The following PROS1 variants were observed in gnomAD, a reference collection of about 807,000 sequenced individuals.
PROS1 encodes vitamin K-dependent protein S.
PROS1 carries 29 observed loss-of-function variants against 75.9 expected under a neutral mutation model. That is an observed-to-expected ratio of 0.38 (90% CI 0.28 to 0.52). The LOEUF is 0.52. Among genes scored for constraint, PROS1 ranks in the 20% least tolerant of loss-of-function variants. The probability of loss-of-function intolerance (pLI) is 0.83; values close to 1 mark genes in which losing one functional copy is unlikely to be tolerated. For missense variants in PROS1, 680 were observed against 810.3 expected (o/e 0.84, Z 1.95); for synonymous variants, 245 against 280.6 (o/e 0.87, Z 1.27).
chr3:93,952,807 A>G (rs1709526208), intron 1 of PROS1, among the ~76,000 whole-genome samples: 1 of 152,222 alleles, frequency 6.6e-6, no homozygotes, highest in Non-Finnish European at 1.5e-5. Flanking sequence ...TTTTGAAAAG[A>G]TCAACAAAAT....
At chr3:93,899,739 G>T (rs911422509) in intron 7 of PROS1, among the ~76,000 whole-genome samples, 1 of 152,100 alleles carries the variant, frequency 6.6e-6, no homozygotes, top group Non-Finnish European at 1.5e-5. Flanking sequence ...ACTTCATAGA[G>T]ACAGAAAACA....
intron 1 of PROS1, chr3:93,967,984 T>A (rs1709815836): frequency 6.6e-6 from 1 of 152,166 alleles, no homozygotes; most frequent in Non-Finnish European, 1.5e-5. Flanking sequence ...ATTAAGTTGA[T>A]ACACAACCTC....
At chr3:93,971,199 G>A (rs775359733) in intron 1 of PROS1, among the ~76,000 whole-genome samples, 6 of 150,714 alleles carry the variant, frequency 4.0e-5, no homozygotes, top group Non-Finnish European at 7.4e-5. Context: ...AAAATTAGCC[G>A]GGTATGGTGG....
At chr3:93,924,058 C>T (rs998090467) in intron 3 of PROS1, among the ~76,000 whole-genome samples, 182 bp downstream of exon 3, 3 of 152,046 alleles carry the variant, frequency 2.0e-5, no homozygotes, top group African/African-American at 7.2e-5. Flanking sequence ...ATTAAAGAAC[C>T]GTTCCAAATT....
intron 1 of PROS1, among the ~76,000 whole-genome samples, chr3:93,963,804 T>G (rs1173981367): frequency 6.6e-6 from 1 of 152,018 alleles, no homozygotes; most frequent in Non-Finnish European, 1.5e-5. Context: ...AAGTTATTCA[T>G]AAGGGACCTA....
At chr3:93,910,572 T>C (rs1440975438) in intron 4 of PROS1, 47 bp downstream of exon 4, 1 of 1,475,104 alleles carries the variant, frequency 6.8e-7, no homozygotes, top group Non-Finnish European at 9.5e-7. Context: ...GTACTTTACC[T>C]ACAGAGTTTT....
At chr3:93,923,469 C>G (rs985853727) in intron 3 of PROS1, among the ~76,000 whole-genome samples, 11 of 152,070 alleles carry the variant, frequency 7.2e-5, no homozygotes, top group African/African-American at 1.9e-4. Flanking sequence ...ATTTACATTT[C>G]TATCTAAAAT....
At chr3:93,939,699 TG>T (rs2041457268) in intron 1 of PROS1, among the ~76,000 whole-genome samples, 1 of 152,046 alleles carries the variant, frequency 6.6e-6, no homozygotes, top group South Asian at 2.1e-4. Flanking sequence ...TTTCATCAAA[TG>T]TAAAAATCCA....
chr3:93,966,140 T>G (rs1355343954), intron 1 of PROS1, among the ~76,000 whole-genome samples: 2 of 151,812 alleles, frequency 1.3e-5, no homozygotes, highest in Non-Finnish European at 2.9e-5. Context: ...CAAACTAACC[T>G]CTCTCAGGGG....
intron 1 of PROS1, among the ~76,000 whole-genome samples, chr3:93,930,608 A>G (rs1220330774): frequency 6.6e-6 from 1 of 152,168 alleles, no homozygotes; most frequent in Non-Finnish European, 1.5e-5. Flanking sequence ...GCCCCAACTA[A>G]AGGGTACAAA....
At chr3:93,900,568 A>C (rs1330145532) in intron 7 of PROS1, among the ~76,000 whole-genome samples, 1 of 152,212 alleles carries the variant, frequency 6.6e-6, no homozygotes, top group Admixed American at 6.5e-5. Context: ...GAGGTCTCCA[A>C]TTCATAGGTA....
chr3:93,947,281 GA>G (rs1709418716), intron 1 of PROS1, among the ~76,000 whole-genome samples: 1 of 152,140 alleles, frequency 6.6e-6, no homozygotes, highest in African/African-American at 2.4e-5. Context: ...CAAGGATCTG[GA>G]ATCAACAGAT....
Position 93,886,414 on chromosome 3 carries a change from C to CT in PROS1, c.1244dup (p.Pro416AlafsTer22), listed in dbSNP as rs1293776848. 1 of 1,613,720 alleles carries CT rather than the reference C, an allele frequency of 6.2e-7. No homozygotes were observed. The highest frequency in any genetic ancestry group is 8.5e-7 in the Non-Finnish European group (1 of 1,179,864). ...TGGTTTCCAGCAATCCATTTTCCGG[C>CT]TTAAAAAGGGGTCCAGGTTTATTTA... On this transcript the variant is annotated frameshift_variant, in exon 11 of 15. Transcript: ENST00000394236. LOFTEE classifies it high-confidence loss of function.
chr3:93,931,258 T>C (rs1709101271), intron 1 of PROS1, among the ~76,000 whole-genome samples: 1 of 152,184 alleles, frequency 6.6e-6, no homozygotes, highest in Non-Finnish European at 1.5e-5. Context: ...AGCCCAGTGC[T>C]CTTTTCTTGA....
intron 1 of PROS1, among the ~76,000 whole-genome samples, chr3:93,952,645 AC>A (rs1219972271): frequency 6.6e-6 from 1 of 152,238 alleles, no homozygotes; most frequent in Non-Finnish European, 1.5e-5. Flanking sequence ...TAAAATTGAC[AC>A]CCTAACAGCA....
At chr3:93,956,747 A>G (rs540507058) in intron 1 of PROS1, among the ~76,000 whole-genome samples, 40 of 152,274 alleles carry the variant, frequency 2.6e-4, no homozygotes, top group African/African-American at 9.6e-4. Context: ...TCTCACATCA[A>G]ACTAATACAT....
intron 6 of PROS1, among the ~76,000 whole-genome samples, chr3:93,901,217 A>C (rs1708588553): frequency 6.6e-6 from 1 of 152,226 alleles, no homozygotes; most frequent in Admixed American, 6.5e-5. Flanking sequence ...TTGTGGTGCG[A>C]AAATAAATGG....
At chr3:93,882,882 C>T (rs1708293169) in intron 12 of PROS1, among the ~76,000 whole-genome samples, 1 of 152,180 alleles carries the variant, frequency 6.6e-6, no homozygotes, top group African/African-American at 2.4e-5. Context: ...CTCTACACAA[C>T]ACAAGTTTTC....
intron 1 of PROS1, among the ~76,000 whole-genome samples, chr3:93,959,686 AG>A: frequency 6.6e-6 from 1 of 152,394 alleles, no homozygotes; most frequent in South Asian, 2.1e-4. Context: ...TTTTTAGTTA[AG>A]TCCCCAGGTA....
Sources: gnomAD v4.1 joint callset for allele counts (sites outside exome capture counted in the v4.1 genomes callset) on GRCh38, gnomAD v4.1.1 for gene constraint, MANE v1.5 for transcripts, NCBI Gene and HGNC (gene_info 2026-07-23, HGNC 2026-07-21) for gene names.